PATJ: variants seen among roughly 807,000 people sequenced by gnomAD.
PATJ encodes the protein inaD-like protein.
Under a neutral mutation model 224.9 loss-of-function variants are expected in PATJ, and 190 were observed. That is an observed-to-expected ratio of 0.84 (90% confidence interval 0.75 to 0.95). The LOEUF (loss-of-function observed/expected upper bound fraction) is 0.95. Ranked by LOEUF, PATJ falls within the 40% of genes least tolerant of loss-of-function variation. The pLI, the probability that PATJ is intolerant of heterozygous loss-of-function variation, is 0.00. For missense variants in PATJ, 2,121 were observed against 2,270.3 expected (o/e 0.93, Z 1.34); for synonymous variants, 769 against 820.3 (o/e 0.94, Z 1.07).
chr1:62,161,952 A>G lies in PATJ; in HGVS notation c.*898A>G, dbSNP rs1029453843. Reference sequence around the variant, plus strand: ...CTGTCTTCTGTATGACTTATGGTCAAATAAGTCTCAAATTCATTTCTCTGG... The same window carrying G: ...CTGTCTTCTGTATGACTTATGGTCAGATAAGTCTCAAATTCATTTCTCTGG... On this transcript the variant is annotated 3_prime_UTR_variant, in exon 44 of 44. Coordinates refer to ENST00000642238, the MANE Select transcript of PATJ (RefSeq NM_001350145.3). 6.6e-6 allele frequency: 1 copy of G among 152,240 alleles called. No homozygotes were observed. Among genetic ancestry groups the G allele is most frequent in the Admixed American group, 6.5e-5 (1 of 15,288 alleles). The allele number at this position is 152,240 out of a possible 1,614,324, so 9.4% of individuals were successfully genotyped here.
At chr1:61,920,395 C>A (rs1490116761) in intron 26 of PATJ, among the ~76,000 whole-genome samples, 1 of 152,142 alleles carries the variant, frequency 6.6e-6, no homozygotes, top group Admixed American at 6.6e-5. Flanking sequence ...AGTTTCCCTG[C>A]ACAAGCTCTC....
In PATJ at chr1:61,797,373, A is replaced by C; in HGVS notation, c.1347A>C (p.Leu449=). ...CAGGGCAGGTGGTACACCTAACCCT[A>C]GTTCGAAGGAAGACATCCTCATCTA... ...RNAGQVVHLT[L]VRRKTSSSTS... Residue 449 remains leucine (L), a synonymous_variant, in exon 11 of 44, where the codon CTA becomes CTC. Transcript: ENST00000642238. 6.2e-7 allele frequency: 1 copy of C among 1,613,970 alleles called. No homozygotes were observed. Among genetic ancestry groups the C allele is most frequent in the Non-Finnish European group, 8.5e-7 (1 of 1,179,830 alleles).
At chr1:62,090,064 T>C (rs1660538077) in intron 33 of PATJ, among the ~76,000 whole-genome samples, 1 of 152,204 alleles carries the variant, frequency 6.6e-6, no homozygotes, top group East Asian at 1.9e-4. Flanking sequence ...TCCTCTCTGC[T>C]ATAAATAGTT....
intron 27 of PATJ, among the ~76,000 whole-genome samples, chr1:61,953,111 A>G (rs888056621): frequency 2.0e-5 from 3 of 152,184 alleles, no homozygotes; most frequent in African/African-American, 7.2e-5. Context: ...TCATTGCTAC[A>G]TTGGCCATAT....
At chr1:62,024,657 AAC>A (rs10605703) in intron 29 of PATJ, among the ~76,000 whole-genome samples, 5,328 of 107,104 alleles carry the variant, frequency 0.05, 217 homozygotes, top group Middle Eastern at 0.096. Flanking sequence ...CCCACCTCCC[AAC>A]ACACACACAC....
intron 27 of PATJ, among the ~76,000 whole-genome samples, chr1:61,963,440 C>G (rs745689175): frequency 6.6e-6 from 1 of 151,564 alleles, no homozygotes; most frequent in Non-Finnish European, 1.5e-5. Flanking sequence ...ACTAAAAATA[C>G]AAAAAATTAG....
chr1:62,032,394 T>C (rs1649500177), intron 29 of PATJ, among the ~76,000 whole-genome samples: 1 of 152,194 alleles, frequency 6.6e-6, no homozygotes, highest in African/African-American at 2.4e-5. Context: ...GATATGAGGT[T>C]CTAAGTGAAA....
At chr1:61,873,457 C>T (rs1666927160) in intron 20 of PATJ, among the ~76,000 whole-genome samples, 1 of 152,218 alleles carries the variant, frequency 6.6e-6, no homozygotes, top group South Asian at 2.1e-4. Flanking sequence ...GCATGAGCCA[C>T]TGCACCCGGC....
intron 41 of PATJ, among the ~76,000 whole-genome samples, chr1:62,135,234 A>T (rs1427494111): frequency 6.6e-6 from 1 of 152,136 alleles, no homozygotes; most frequent in Non-Finnish European, 1.5e-5. Flanking sequence ...ACTAATGCTT[A>T]GGCCAGGTGT....
chr1:61,908,853 C>G (rs1468700296), intron 25 of PATJ, among the ~76,000 whole-genome samples: 6 of 152,188 alleles, frequency 3.9e-5, no homozygotes, highest in African/African-American at 1.4e-4. Context: ...TGTAGAGATA[C>G]TATCACATGT....
At position 62,060,675 on chromosome 1, in the gene PATJ, CTA is replaced by C. The variant is rs541598560; in HGVS notation, c.4125+9620_4125+9621del. ...TATTAGATAATGTAAGTAAATCTCTCTATAAACTGAAGAGTCCTGGAGACAGG... is the reference window on the plus strand; with the variant it reads ...TATTAGATAATGTAAGTAAATCTCTCTAAACTGAAGAGTCCTGGAGACAGG... On this transcript the variant is annotated intron_variant, in intron 31 of 43. Transcript: ENST00000642238. 1.7e-3 allele frequency among the ~76,000 whole-genome samples: 262 copies of C among 152,102 alleles called. 1 individual carries two copies. The highest frequency in any genetic ancestry group is 3.4e-3 in the Middle Eastern group (1 of 292).
intron 43 of PATJ, among the ~76,000 whole-genome samples, chr1:62,153,764 T>C (rs1453542142): frequency 6.6e-6 from 1 of 152,182 alleles, no homozygotes; most frequent in Non-Finnish European, 1.5e-5. Flanking sequence ...TAAGGAGCAG[T>C]GCCACTCTTT....
At chr1:61,961,076 C>T (rs556772371) in intron 27 of PATJ, among the ~76,000 whole-genome samples, 4 of 152,194 alleles carry the variant, frequency 2.6e-5, no homozygotes, top group Non-Finnish European at 4.4e-5. Context: ...GTCATTAATT[C>T]TGTGGAATAT....
intron 30 of PATJ, among the ~76,000 whole-genome samples, chr1:62,047,017 A>G (rs558729224): frequency 1.6e-4 from 25 of 152,346 alleles, no homozygotes; most frequent in Admixed American, 3.9e-4. Flanking sequence ...GACCAAGAAT[A>G]TCTTATCTTC....
intron 27 of PATJ, among the ~76,000 whole-genome samples, chr1:61,986,612 G>A (rs374746348): frequency 6.6e-6 from 1 of 151,852 alleles, no homozygotes; most frequent in Non-Finnish European, 1.5e-5. Flanking sequence ...GTACAAACGG[G>A]GTCTCGCTAT....
At chr1:62,119,149 A>G (rs971776768) in intron 37 of PATJ, among the ~76,000 whole-genome samples, 1 of 152,062 alleles carries the variant, frequency 6.6e-6, no homozygotes, top group Non-Finnish European at 1.5e-5. Context: ...GTTTAATTCA[A>G]TTTTTAAAAA....
chr1:62,008,593 TA>T (rs34192792), intron 28 of PATJ, among the ~76,000 whole-genome samples: 34,576 of 151,590 alleles, frequency 0.23, 4,256 homozygotes, highest in African/African-American at 0.31. Flanking sequence ...CCCGTCTTTA[TA>T]AAAAAATGAG....
chr1:62,054,743 T>C (rs1452857970), intron 31 of PATJ, among the ~76,000 whole-genome samples: 1 of 152,180 alleles, frequency 6.6e-6, no homozygotes, highest in Admixed American at 6.5e-5. Flanking sequence ...TATAATCTCA[T>C]TGGCTTAATT....
chr1:61,764,044 G>A (rs551567126), intron 3 of PATJ, among the ~76,000 whole-genome samples: 2 of 150,628 alleles, frequency 1.3e-5, no homozygotes, highest in South Asian at 4.2e-4. Flanking sequence ...TTTTTTAGTA[G>A]AGACGGGGTT....
Sources: allele counts gnomAD v4.1 joint callset (sites outside exome capture counted in the v4.1 genomes callset), GRCh38; gene constraint gnomAD v4.1.1; transcripts MANE v1.5; gene names NCBI Gene and HGNC (gene_info 2026-07-23, HGNC 2026-07-21).